EXOC4: variants seen among roughly 807,000 people sequenced by gnomAD.
EXOC4 encodes the protein exocyst complex component 4.
A neutral mutation model predicts 107.2 loss-of-function variants in EXOC4; 71 were observed. The observed-to-expected ratio is 0.66, with a 90% CI of 0.55 to 0.81. EXOC4 has a LOEUF of 0.81. Among genes scored for constraint, EXOC4 ranks in the 30% least tolerant of loss-of-function variants. EXOC4 has a pLI of 0.00. For missense variants in EXOC4, 1,108 were observed against 1,189.6 expected (o/e 0.93, Z 1.01); for synonymous variants, 456 against 441.2 (o/e 1.03, Z -0.42).
chr7:133,397,384 T>A lies in EXOC4; in HGVS notation c.1182+22382T>A, dbSNP rs985155527. Among the ~76,000 whole-genome samples, 5 of 151,830 alleles carry A rather than the reference T, an allele frequency of 3.3e-5. 1 individual carries two copies. The highest frequency in any genetic ancestry group is 7.4e-5 in the Non-Finnish European group (5 of 67,944). On this transcript the variant is annotated intron_variant, in intron 7 of 17. Coordinates refer to ENST00000253861, the MANE Select transcript of EXOC4 (RefSeq NM_021807.4). ...CCCAACCTCAGGTGGTCTGCCTGCG[T>A]CGGCCTCCCAAAGTGCTGGGATTAC...
At chr7:133,418,709 T>C (rs1198957258) in intron 7 of EXOC4, among the ~76,000 whole-genome samples, 4 of 152,192 alleles carry the variant, frequency 2.6e-5, no homozygotes, top group Admixed American at 1.3e-4. Flanking sequence ...CATGCATCAC[T>C]CTGTGTACTC....
At chr7:134,005,793 A>G (rs892284669) in intron 16 of EXOC4, among the ~76,000 whole-genome samples, 1 of 152,216 alleles carries the variant, frequency 6.6e-6, no homozygotes, top group African/African-American at 2.4e-5. Flanking sequence ...TTAAACTAGT[A>G]TTATTTAAAA....
intron 2 of EXOC4, among the ~76,000 whole-genome samples, chr7:133,285,221 G>A (rs916002554): frequency 4.6e-5 from 7 of 152,072 alleles, no homozygotes; most frequent in African/African-American, 1.7e-4. Flanking sequence ...TATGTTTTGT[G>A]CCATTGCGTT....
At chr7:133,554,581 G>A (rs1481508634) in intron 9 of EXOC4, among the ~76,000 whole-genome samples, 2 of 152,018 alleles carry the variant, frequency 1.3e-5, no homozygotes, top group African/African-American at 4.8e-5. Context: ...GGGCCCCCTT[G>A]AGTTTTAGGT....
At chr7:133,310,972 C>T (rs1794857771) in intron 4 of EXOC4, among the ~76,000 whole-genome samples, 2 of 152,106 alleles carry the variant, frequency 1.3e-5, no homozygotes, top group South Asian at 4.1e-4. Context: ...CATGAAGGCA[C>T]TTACGTATAA....
chr7:133,371,019 T>C (rs1425095789), intron 6 of EXOC4, among the ~76,000 whole-genome samples: 2 of 152,198 alleles, frequency 1.3e-5, no homozygotes, highest in Non-Finnish European at 2.9e-5. Flanking sequence ...TTCTTACATG[T>C]TACTTAAGAA....
intron 10 of EXOC4, among the ~76,000 whole-genome samples, chr7:133,731,616 G>A (rs532270442): frequency 6.6e-6 from 1 of 152,216 alleles, no homozygotes; most frequent in South Asian, 2.1e-4. Context: ...CATGGAATTT[G>A]GCATGAGACC....
chr7:133,527,416 A>C (rs557104240), intron 9 of EXOC4, among the ~76,000 whole-genome samples: 1 of 152,256 alleles, frequency 6.6e-6, no homozygotes, highest in South Asian at 2.1e-4. Context: ...AAAAAAAATA[A>C]AATAAAATAA....
intron 9 of EXOC4, among the ~76,000 whole-genome samples, chr7:133,594,755 G>A (rs1344780895): frequency 1.3e-5 from 2 of 152,052 alleles, no homozygotes; most frequent in South Asian, 2.1e-4. Context: ...GCCTCCCAGA[G>A]TGCTGGGATT....
At chr7:134,018,265 T>G (rs1327143738) in intron 17 of EXOC4, among the ~76,000 whole-genome samples, 1 of 152,170 alleles carries the variant, frequency 6.6e-6, no homozygotes, top group Non-Finnish European at 1.5e-5. Context: ...CTGACCTTTC[T>G]TGTTTTCTAA....
chr7:133,370,043 C>G (rs187392740), intron 6 of EXOC4, among the ~76,000 whole-genome samples: 7 of 152,172 alleles, frequency 4.6e-5, no homozygotes, highest in African/African-American at 1.7e-4. Flanking sequence ...TCCGCCACCT[C>G]GGCCTCCCGA....
chr7:133,818,143 T>C (rs978362925), intron 11 of EXOC4, among the ~76,000 whole-genome samples: 3 of 152,214 alleles, frequency 2.0e-5, no homozygotes, highest in Non-Finnish European at 2.9e-5. Context: ...TTAATAGGCT[T>C]GAGGCATATA....
chr7:133,465,977 A>C (rs1431414196), intron 7 of EXOC4, among the ~76,000 whole-genome samples: 12 of 152,022 alleles, frequency 7.9e-5, no homozygotes. Flanking sequence ...CCCTACTAAA[A>C]ATACAAAAAA....
At chr7:133,550,902 A>G (rs1033361036) in intron 9 of EXOC4, among the ~76,000 whole-genome samples, 9 of 151,962 alleles carry the variant, frequency 5.9e-5, no homozygotes, top group African/African-American at 1.9e-4. Context: ...TATACTAGAT[A>G]CTCTAGGTGG....
Position 133,777,306 on chromosome 7 carries a change from A to G in EXOC4, c.1515-40019A>G, listed in dbSNP as rs1273812687. ...GAGAGAGAGAGAGAGAGAGAGAGAG[A>G]GAGAGAGAGAGAGAGAATATATATA... On this transcript the variant is annotated intron_variant, in intron 10 of 17. Coordinates refer to ENST00000253861, the MANE Select transcript of EXOC4 (RefSeq NM_021807.4). Among the ~76,000 whole-genome samples, 5 of 151,448 alleles carry G rather than the reference A, an allele frequency of 3.3e-5. No individual in the cohort carries two copies. The East Asian group carries it at 9.8e-4, about 30-fold the overall frequency.
At chr7:133,577,782 C>T (rs1585008714) in intron 9 of EXOC4, among the ~76,000 whole-genome samples, 3 of 152,184 alleles carry the variant, frequency 2.0e-5, no homozygotes, top group Admixed American at 1.3e-4. Flanking sequence ...AAAAAATGCT[C>T]AATACATATT....
At chr7:133,700,732 A>G (rs975615639) in intron 10 of EXOC4, among the ~76,000 whole-genome samples, 1 of 152,104 alleles carries the variant, frequency 6.6e-6, no homozygotes, top group African/African-American at 2.4e-5. Flanking sequence ...TGGCTTGGTA[A>G]TTGTTTTTTA....
chr7:133,283,551 C>T (rs1396715688), intron 2 of EXOC4, among the ~76,000 whole-genome samples: 3 of 152,120 alleles, frequency 2.0e-5, no homozygotes, highest in Non-Finnish European at 2.9e-5. Flanking sequence ...ATTGTTGGAT[C>T]ATATGGTAGT....
intron 5 of EXOC4, among the ~76,000 whole-genome samples, chr7:133,322,615 C>T (rs1420166102): frequency 6.6e-6 from 1 of 152,198 alleles, no homozygotes; most frequent in Non-Finnish European, 1.5e-5. Context: ...GTTTTGGTTA[C>T]TGTCGCCTTC....
Sources: gnomAD v4.1 joint callset for allele counts (sites outside exome capture counted in the v4.1 genomes callset) on GRCh38, gnomAD v4.1.1 for gene constraint, MANE v1.5 for transcripts, NCBI Gene and HGNC (gene_info 2026-07-23, HGNC 2026-07-21) for gene names.